The following AGBL1 variants were observed in gnomAD, a reference collection of about 807,000 sequenced individuals.
AGBL1 encodes the protein AGBL carboxypeptidase 1.
Under a neutral mutation model 118.9 loss-of-function variants are expected in AGBL1, and 130 were observed. The observed-to-expected ratio is 1.09, with a 90% confidence interval of 0.95 to 1.26. AGBL1 has a LOEUF of 1.26. Among genes scored for constraint, AGBL1 ranks in the 50% most tolerant of loss-of-function variants. AGBL1 has a pLI of 0.00. For synonymous variants in AGBL1, 555 were observed against 478.9 expected (o/e 1.16, Z -2.08); for missense variants, 1,584 against 1,298.1 (o/e 1.22, Z -3.38).
chr15:86,387,776 A>G (rs2081218686), intron 17 of AGBL1, among the ~76,000 whole-genome samples: 1 of 152,184 alleles, frequency 6.6e-6, no homozygotes, highest in Non-Finnish European at 1.5e-5. Flanking sequence ...CAGTGCGGTG[A>G]GTAGGACCAT....
chr15:87,009,689 G>A (rs2081538768), intron 24 of AGBL1, among the ~76,000 whole-genome samples: 2 of 152,206 alleles, frequency 1.3e-5, no homozygotes, highest in Admixed American at 6.5e-5. Context: ...ACCCTGTGAA[G>A]CCACAGGGGC....
chr15:86,516,738 T>G (rs1596213330), intron 18 of AGBL1, among the ~76,000 whole-genome samples: 1 of 148,958 alleles, frequency 6.7e-6, no homozygotes, highest in South Asian at 2.1e-4. Context: ...GAGGCGGAGG[T>G]TGCAGTGAGC....
intron 22 of AGBL1, among the ~76,000 whole-genome samples, chr15:86,769,379 A>G (rs1278084751): frequency 1.3e-5 from 2 of 151,980 alleles, no homozygotes; most frequent in Non-Finnish European, 2.9e-5. Flanking sequence ...GTATCCTTAT[A>G]TAAGTATTCT....
chr15:86,982,335 C>G (rs972863596), intron 23 of AGBL1, among the ~76,000 whole-genome samples: 3 of 151,806 alleles, frequency 2.0e-5, no homozygotes, highest in Non-Finnish European at 4.4e-5. Flanking sequence ...CTATTTTACT[C>G]TTTTATAGTA....
At chr15:86,255,578 T>C (rs2142010466) in intron 7 of AGBL1, among the ~76,000 whole-genome samples, 1 of 152,244 alleles carries the variant, frequency 6.6e-6, no homozygotes, top group African/African-American at 2.4e-5. Flanking sequence ...AGGTCAGGAG[T>C]TTGATACAAG....
At chr15:86,085,724 G>GCTCT (rs1895602638) in intron 1 of AGBL1, among the ~76,000 whole-genome samples, 1 of 152,218 alleles carries the variant, frequency 6.6e-6, no homozygotes, top group Non-Finnish European at 1.5e-5. Context: ...GGGCTGGGAT[G>GCTCT]AACTGAGGCT....
intron 18 of AGBL1, among the ~76,000 whole-genome samples, chr15:86,479,881 T>C (rs2082625679): frequency 6.6e-6 from 1 of 152,202 alleles, no homozygotes; most frequent in East Asian, 1.9e-4. Context: ...GTGGCACATA[T>C]ACACCATGGA....
At chr15:86,132,623 A>C (rs758665166) in intron 1 of AGBL1, among the ~76,000 whole-genome samples, 1 of 152,224 alleles carries the variant, frequency 6.6e-6, no homozygotes, top group Non-Finnish European at 1.5e-5. Flanking sequence ...CCTGCTTTCC[A>C]ATCAGCATCA....
At chr15:86,561,094 C>T (rs2083812403) in intron 21 of AGBL1, among the ~76,000 whole-genome samples, 1 of 152,116 alleles carries the variant, frequency 6.6e-6, no homozygotes, top group East Asian at 1.9e-4. Flanking sequence ...GTTGCCTGTT[C>T]ACTCTGATGG....
intron 1 of AGBL1, 27 bp downstream of exon 1, chr15:86,080,050 A>G: frequency 8.1e-7 from 1 of 1,231,900 alleles, no homozygotes; most frequent in East Asian, 3.2e-5. Context: ...TGGGTGCAGA[A>G]CCCGGCGGGC....
chr15:86,503,146 A>G (rs915058326), intron 18 of AGBL1, among the ~76,000 whole-genome samples: 4 of 151,200 alleles, frequency 2.6e-5, no homozygotes, highest in Non-Finnish European at 4.4e-5. Flanking sequence ...TCAATTTAAT[A>G]TTTTCTATTT....
chr15:86,759,289 A>G (rs1216444236), intron 22 of AGBL1, among the ~76,000 whole-genome samples: 4 of 152,146 alleles, frequency 2.6e-5, no homozygotes, highest in Non-Finnish European at 5.9e-5. Flanking sequence ...TATAAGTCCG[A>G]GTTCTAGCAT....
intron 22 of AGBL1, among the ~76,000 whole-genome samples, chr15:86,772,085 G>A (rs1365695253): frequency 6.6e-6 from 1 of 152,044 alleles, no homozygotes; most frequent in Non-Finnish European, 1.5e-5. Flanking sequence ...ATGAGGCCGG[G>A]AGGTCACTGT....
intron 18 of AGBL1, among the ~76,000 whole-genome samples, chr15:86,433,001 A>G (rs1468228526): frequency 6.6e-6 from 1 of 152,176 alleles, no homozygotes; most frequent in African/African-American, 2.4e-5. Flanking sequence ...TGATCATATC[A>G]GGACAAGCGT....
At chr15:86,243,511 G>C in intron 6 of AGBL1, among the ~76,000 whole-genome samples, 1 of 152,294 alleles carries the variant, frequency 6.6e-6, no homozygotes, top group East Asian at 1.9e-4. Context: ...TAAATCTCCT[G>C]TTGTTCATGG....
chr15:86,861,538 T>G (rs2079558677), intron 22 of AGBL1, among the ~76,000 whole-genome samples: 1 of 152,224 alleles, frequency 6.6e-6, no homozygotes, highest in African/African-American at 2.4e-5. Flanking sequence ...GTTTTAAACA[T>G]TATTATGAGT....
intron 4 of AGBL1, among the ~76,000 whole-genome samples, chr15:86,156,797 T>TC (rs1355166351): frequency 4.1e-5 from 6 of 147,658 alleles, no homozygotes; most frequent in African/African-American, 9.9e-5. Context: ...TTTCTTTCTT[T>TC]TTTTTTTTTT....
In AGBL1 at chr15:86,967,541, T is replaced by G. The variant is rs559022028; in HGVS notation, c.3222-20446T>G. On this transcript the variant is annotated intron_variant, in intron 23 of 24. Transcript: ENST00000441037. The stretch of plus-strand genomic sequence containing the variant: ...AGGGATCCAGTTTCAGCTTTCTACA[T>G]ATGGCTAGCCAGTTTTCCCAGCACC... Among the ~76,000 whole-genome samples, 9 of 152,330 alleles carry G rather than the reference T, an allele frequency of 5.9e-5. No individual in the cohort carries two copies. The South Asian group carries it at 1.7e-3, about 28-fold the overall frequency.
At chr15:86,177,944 T>C (rs546895011) in intron 5 of AGBL1, among the ~76,000 whole-genome samples, 1 of 152,016 alleles carries the variant, frequency 6.6e-6, no homozygotes, top group East Asian at 1.9e-4. Flanking sequence ...AGAATAGAAA[T>C]AAATAAAATT....
Sources: allele counts gnomAD v4.1 joint callset (sites outside exome capture counted in the v4.1 genomes callset), GRCh38; gene constraint gnomAD v4.1.1; transcripts MANE v1.5; gene names NCBI Gene and HGNC (gene_info 2026-07-23, HGNC 2026-07-21).